KCNIP1: variants seen among roughly 807,000 people sequenced by gnomAD.
The protein encoded by KCNIP1 is A-type potassium channel modulatory protein KCNIP1.
KCNIP1 carries 18 observed loss-of-function variants against 33.0 expected under a neutral mutation model. That is an observed-to-expected ratio of 0.55 (90% CI 0.38 to 0.81). KCNIP1 has a LOEUF of 0.81. Ranked by LOEUF, KCNIP1 falls within the 30% of genes least tolerant of loss-of-function variation. The pLI, the probability that KCNIP1 is intolerant of heterozygous loss-of-function variation, is 0.00. For synonymous variants in KCNIP1, 93 were observed against 98.3 expected, an observed-to-expected ratio of 0.95 and a Z score of 0.32; for missense variants, 238 against 271.6, an observed-to-expected ratio of 0.88 and a Z score of 0.87.
At chr5:170,534,496 A>G (rs370453974) in intron 1 of KCNIP1, among the ~76,000 whole-genome samples, 14 of 88,362 alleles carry the variant, frequency 1.6e-4, no homozygotes, top group African/African-American at 8.3e-4. Flanking sequence ...GAGGAGGAGG[A>G]GGAGAAGGAG....
chr5:170,365,422 G>C (rs1763633990), intron 1 of KCNIP1, among the ~76,000 whole-genome samples: 6 of 152,186 alleles, frequency 3.9e-5, no homozygotes, highest in Admixed American at 2.0e-4. Flanking sequence ...TAGTCATCTG[G>C]CTTCTCAGGC....
intron 1 of KCNIP1, among the ~76,000 whole-genome samples, chr5:170,631,870 G>C (rs1318174402): frequency 1.3e-5 from 2 of 152,208 alleles, no homozygotes; most frequent in Non-Finnish European, 2.9e-5. Flanking sequence ...GATGGTATGT[G>C]CACTGGCACA....
chr5:170,475,464 C>G (rs1369086883), intron 1 of KCNIP1, among the ~76,000 whole-genome samples: 1 of 152,126 alleles, frequency 6.6e-6, no homozygotes, highest in Non-Finnish European at 1.5e-5. Context: ...TGCTGCAGAC[C>G]CACTGAGAGG....
intron 1 of KCNIP1, among the ~76,000 whole-genome samples, chr5:170,561,683 G>C (rs1435097771): frequency 1.3e-5 from 2 of 152,202 alleles, no homozygotes; most frequent in African/African-American, 2.4e-5. Context: ...GGACGCCTAT[G>C]CACACACGGT....
chr5:170,519,144 C>T (rs1426918446), intron 1 of KCNIP1, among the ~76,000 whole-genome samples: 1 of 152,174 alleles, frequency 6.6e-6, no homozygotes, highest in East Asian at 1.9e-4. Flanking sequence ...CCGCTAATGG[C>T]AGCAGCTATT....
intron 1 of KCNIP1, among the ~76,000 whole-genome samples, chr5:170,551,178 G>T (rs890173760): frequency 2.6e-5 from 4 of 152,050 alleles, no homozygotes; most frequent in Non-Finnish European, 4.4e-5. Flanking sequence ...CATCCTTCAG[G>T]GTCCAGCTCA....
At chr5:170,697,902 T>C (rs1581514719) in intron 1 of KCNIP1, among the ~76,000 whole-genome samples, 1 of 152,190 alleles carries the variant, frequency 6.6e-6, no homozygotes, top group East Asian at 1.9e-4. Flanking sequence ...TTAAATTGTG[T>C]GACTGGAAAT....
intron 1 of KCNIP1, among the ~76,000 whole-genome samples, chr5:170,591,424 G>A (rs1369546819): frequency 3.9e-5 from 6 of 152,250 alleles, no homozygotes; most frequent in Non-Finnish European, 7.4e-5. Context: ...CTCCCAGTTC[G>A]TTTTTTAAAA....
intron 1 of KCNIP1, among the ~76,000 whole-genome samples, chr5:170,535,308 G>A (rs973636604): frequency 5.3e-5 from 8 of 152,184 alleles, no homozygotes; most frequent in Non-Finnish European, 8.8e-5. Context: ...CAAGCGGGGT[G>A]CCCTTGGGTG....
chr5:170,721,711 C>T (rs1299095785), intron 3 of KCNIP1, 122 bp from the exon 4 acceptor site: 2 of 1,609,696 alleles, frequency 1.2e-6, no homozygotes, highest in African/African-American at 2.7e-5. Context: ...CCATAATTTT[C>T]TCCTTTCCAT....
intron 1 of KCNIP1, chr5:170,639,253 G>T (rs1382544082): frequency 3.3e-5 from 5 of 152,096 alleles, no homozygotes; most frequent in African/African-American, 7.2e-5. Flanking sequence ...CGCAAATACC[G>T]TGTTCACCCG....
At chr5:170,440,683 G>A (rs1210758395) in intron 1 of KCNIP1, among the ~76,000 whole-genome samples, 1 of 152,170 alleles carries the variant, frequency 6.6e-6, no homozygotes, top group Non-Finnish European at 1.5e-5. Context: ...GAGATCTGGA[G>A]TTCCCATCAT....
At chr5:170,358,106 G>A (rs935281019) in intron 1 of KCNIP1, among the ~76,000 whole-genome samples, 1 of 152,170 alleles carries the variant, frequency 6.6e-6, no homozygotes, top group Admixed American at 6.5e-5. Context: ...GGAACCAGAA[G>A]TTGTGCAGGC....
chr5:170,521,440 A>G (rs954384410), intron 1 of KCNIP1, among the ~76,000 whole-genome samples: 6 of 152,190 alleles, frequency 3.9e-5, no homozygotes, highest in African/African-American at 9.7e-5. Context: ...GTTTGTGTAT[A>G]TGTGTGTTTA....
At chr5:170,518,305 A>G (rs912938734) in intron 1 of KCNIP1, among the ~76,000 whole-genome samples, 1 of 152,136 alleles carries the variant, frequency 6.6e-6, no homozygotes, top group Non-Finnish European at 1.5e-5. Context: ...AGGATTTCCA[A>G]CCCCCAGAAC....
At chr5:170,544,164 G>C (rs1756321378) in intron 1 of KCNIP1, among the ~76,000 whole-genome samples, 2 of 152,088 alleles carry the variant, frequency 1.3e-5, no homozygotes, top group African/African-American at 2.4e-5. Flanking sequence ...TGTAATACCA[G>C]CACTTTGGGA....
chr5:170,694,392 G>A (rs955205502), intron 1 of KCNIP1, among the ~76,000 whole-genome samples: 1 of 152,000 alleles, frequency 6.6e-6, no homozygotes, highest in Non-Finnish European at 1.5e-5. Flanking sequence ...CAGAACCTTA[G>A]AGCAGCTCTC....
intron 1 of KCNIP1, among the ~76,000 whole-genome samples, chr5:170,528,016 G>A (rs1380366886): frequency 6.6e-6 from 1 of 152,094 alleles, no homozygotes; most frequent in Non-Finnish European, 1.5e-5. Context: ...GACATGGCAT[G>A]CTGCAGTGGT....
intron 1 of KCNIP1, among the ~76,000 whole-genome samples, chr5:170,604,430 AG>A (rs962613307): frequency 2.0e-5 from 3 of 152,300 alleles, no homozygotes; most frequent in Non-Finnish European, 1.5e-5. Context: ...AACAGAAGAA[AG>A]GAACAGCAGA....
Sources: allele counts gnomAD v4.1 joint callset (sites outside exome capture counted in the v4.1 genomes callset), GRCh38; gene constraint gnomAD v4.1.1; transcripts MANE v1.5; gene names NCBI Gene and HGNC (gene_info 2026-07-23, HGNC 2026-07-21).